The following URI1 variants were observed in gnomAD, a reference collection of about 807,000 sequenced individuals.
URI1 encodes the protein unconventional prefoldin RPB5 interactor 1.
In URI1, 39 loss-of-function variants were observed where a neutral mutation model predicts 60.2. That is an observed-to-expected ratio of 0.65 (90% CI 0.50 to 0.85). The LOEUF is 0.85. URI1 is among the 40% of genes least tolerant of loss of function. The probability of loss-of-function intolerance (pLI) is 0.00; values close to 1 mark genes in which losing one functional copy is unlikely to be tolerated. For synonymous variants in URI1, 251 were observed against 236.8 expected (o/e 1.06, Z -0.55); for missense variants, 691 against 665.9 (o/e 1.04, Z -0.42).
At chr19:29,964,336 G>A (rs545314240) in intron 1 of URI1, among the ~76,000 whole-genome samples, 142 of 152,178 alleles carry the variant, frequency 9.3e-4, no homozygotes, top group Non-Finnish European at 1.8e-3. Context: ...GTCCTACTTG[G>A]AGGTATTACG....
intron 4 of URI1, among the ~76,000 whole-genome samples, chr19:29,993,905 TA>T (rs568122373): frequency 6.6e-6 from 1 of 152,264 alleles, no homozygotes; most frequent in Admixed American, 6.5e-5. Context: ...GGCACACTTT[TA>T]TTTTTTTGTT....
chr19:29,972,415 G>C (rs989547755), intron 2 of URI1, among the ~76,000 whole-genome samples: 3 of 152,048 alleles, frequency 2.0e-5, no homozygotes, highest in Non-Finnish European at 4.4e-5. Context: ...TTTTTCCCCT[G>C]CACATTTAGT....
chr19:29,970,183 G>A (rs452944), intron 1 of URI1, among the ~76,000 whole-genome samples: 1 of 132,448 alleles, frequency 7.6e-6, no homozygotes, highest in Non-Finnish European at 1.5e-5. Flanking sequence ...GAAACATTGA[G>A]CATATACAAG....
chr19:29,973,314 T>C (rs942672269), intron 2 of URI1, among the ~76,000 whole-genome samples: 18 of 152,130 alleles, frequency 1.2e-4, no homozygotes, highest in African/African-American at 3.9e-4. Context: ...TGCGGAGATA[T>C]GAAGCAACTA....
intron 4 of URI1, among the ~76,000 whole-genome samples, chr19:29,987,772 C>G (rs529684565): frequency 6.6e-6 from 1 of 152,272 alleles, no homozygotes; most frequent in African/African-American, 2.4e-5. Context: ...TTGTAAATCA[C>G]TTTCTAGTAG....
Position 29,942,577 on chromosome 19 carries a change from C to G in URI1, c.30C>G (p.Pro10=). 7.0e-7 allele frequency: 1 copy of G among 1,425,976 alleles called. No homozygotes were observed. The highest frequency in any genetic ancestry group is 9.2e-7 in the Non-Finnish European group (1 of 1,092,300). The allele number at this position is 1,425,976 out of a possible 1,614,324, so 88.3% of individuals were successfully genotyped here. A position where few individuals can be genotyped will look rare whatever the true frequency, so the allele number is the denominator to read the frequency against. Residue 10 remains proline (P), a synonymous_variant, in exon 1 of 11, where the codon CCC becomes CCG. Coordinates refer to ENST00000392271, the MANE Select transcript of URI1 (RefSeq NM_003796.3). The part of the protein sequence containing the change: MEAPTVETP[P]DPSPPSAPAP... Reference sequence around the variant, plus strand: ...AGGCGCCCACCGTGGAGACGCCCCCCGACCCCTCGCCCCCTTCGGCCCCGG... The same window carrying G: ...AGGCGCCCACCGTGGAGACGCCCCCGGACCCCTCGCCCCCTTCGGCCCCGG...
rs1400204759 is a variant in URI1 at position 30,009,140 on chromosome 19, T to C, written c.822T>C (p.Ser274=). Residue 274 remains serine, a synonymous_variant, in exon 8 of 11, where the codon AGT becomes AGC. Transcript: ENST00000392271. ...SHTPCHKDVA[S]SEPFSGQVNS... ...CTCCTTGTCATAAGGATGTTGCAAG[T>C]TCAGAACCATTCAGTGGTCAAGTGA... 6.2e-7 allele frequency: 1 copy of C among 1,613,974 alleles called. No homozygotes were observed. The highest frequency in any genetic ancestry group is 1.3e-5 in the African/African-American group (1 of 75,004).
chr19:29,946,610 A>G (rs2055106338), intron 1 of URI1, among the ~76,000 whole-genome samples: 1 of 152,210 alleles, frequency 6.6e-6, no homozygotes, highest in Non-Finnish European at 1.5e-5. Flanking sequence ...TCCTTGGGGA[A>G]TTAAATGCAT....
intron 1 of URI1, among the ~76,000 whole-genome samples, chr19:29,950,617 C>G (rs1156600997): frequency 6.6e-6 from 1 of 152,128 alleles, no homozygotes; most frequent in Non-Finnish European, 1.5e-5. Flanking sequence ...CAGACATCAT[C>G]ACATCAATAA....
At chr19:29,986,559 AGTTT>A (rs1428424691) in intron 4 of URI1, 142 bp downstream of exon 4, 2 of 1,062,444 alleles carry the variant, frequency 1.9e-6, no homozygotes, top group Non-Finnish European at 1.3e-6. Context: ...AATTGTAGGT[AGTTT>A]GAGTAGAACC....
At chr19:29,925,332 G>A (rs1426032023) in intron 1 of URI1, among the ~76,000 whole-genome samples, 3 of 152,196 alleles carry the variant, frequency 2.0e-5, no homozygotes, top group African/African-American at 4.8e-5. Flanking sequence ...TCCTGGGTCC[G>A]GTACTTGGCA....
intron 1 of URI1, among the ~76,000 whole-genome samples, chr19:29,934,829 A>AT (rs1291948403): frequency 6.6e-6 from 1 of 152,012 alleles, no homozygotes; most frequent in African/African-American, 2.4e-5. Context: ...GATTGGTAGC[A>AT]TAAGTGCTGG....
At chr19:29,988,813 G>T (rs2145383975) in intron 4 of URI1, among the ~76,000 whole-genome samples, 2 of 152,294 alleles carry the variant, frequency 1.3e-5, no homozygotes, top group Admixed American at 1.3e-4. Context: ...AAGTGAGATT[G>T]TTAGATCATA....
At chr19:30,014,654 A>T (rs1486250704) in intron 10 of URI1, among the ~76,000 whole-genome samples, 1 of 152,150 alleles carries the variant, frequency 6.6e-6, no homozygotes, top group Non-Finnish European at 1.5e-5. Context: ...TTTACATTTT[A>T]CATTTTGTTT....
chr19:29,948,919 G>A (rs1182076009), intron 1 of URI1, among the ~76,000 whole-genome samples: 2 of 151,316 alleles, frequency 1.3e-5, no homozygotes, highest in Non-Finnish European at 2.9e-5. Context: ...GGGCGGCCGG[G>A]CAGAGGCACC....
intron 1 of URI1, among the ~76,000 whole-genome samples, chr19:29,931,139 C>A (rs1260161965): frequency 6.6e-6 from 1 of 152,050 alleles, no homozygotes; most frequent in Non-Finnish European, 1.5e-5. Context: ...AATTTTAGGA[C>A]CAGTTTGCCT....
chr19:30,015,276 C>T lies in URI1; in HGVS notation c.*207C>T, dbSNP rs2056072383. On this transcript the variant is annotated 3_prime_UTR_variant, in exon 11 of 11. Coordinates refer to ENST00000392271, the MANE Select transcript of URI1 (RefSeq NM_003796.3). ...AATATCAGCTTGTTTTGTGAATTCT[C>T]TGAATACTGTCAACACTCTTATCTA... 7.1e-7 allele frequency: 1 copy of T among 1,413,510 alleles called. No homozygotes were observed. The highest frequency in any genetic ancestry group is 1.4e-5 in the African/African-American group (1 of 69,386). The allele number at this position is 1,413,510 out of a possible 1,614,324, so 87.6% of individuals were successfully genotyped here.
At chr19:29,945,127 TC>T (rs2055086976) in intron 1 of URI1, among the ~76,000 whole-genome samples, 1 of 152,200 alleles carries the variant, frequency 6.6e-6, no homozygotes, top group South Asian at 2.1e-4. Flanking sequence ...AGAGTTAAAC[TC>T]TGCAGAAAAT....
At position 29,942,658 on chromosome 19, in the gene URI1, G is replaced by A; in HGVS notation, c.111G>A (p.Gln37=). 1 of 1,437,234 alleles carries A rather than the reference G, an allele frequency of 7.0e-7. No homozygotes were observed. The highest frequency in any genetic ancestry group is 9.1e-7 in the Non-Finnish European group (1 of 1,093,730). The allele number at this position is 1,437,234 out of a possible 1,614,324, so 89.0% of individuals were successfully genotyped here. A position where few individuals can be genotyped will look rare whatever the true frequency, so the allele number is the denominator to read the frequency against. ...APDVARLREE[Q]EKVVTNCQER... Reference sequence around the variant, plus strand: ...ATGTGGCGCGGCTGCGCGAGGAGCAGGAAAAGGTAACTAGCAGCCCCGCGC... The same window carrying A: ...ATGTGGCGCGGCTGCGCGAGGAGCAAGAAAAGGTAACTAGCAGCCCCGCGC... Residue 37 remains glutamine, a synonymous_variant, in exon 1 of 11, where the codon CAG becomes CAA. Coordinates refer to ENST00000392271, the MANE Select transcript of URI1 (RefSeq NM_003796.3).
Sources: gnomAD v4.1 joint callset for allele counts (sites outside exome capture counted in the v4.1 genomes callset) on GRCh38, gnomAD v4.1.1 for gene constraint, MANE v1.5 for transcripts, NCBI Gene and HGNC (gene_info 2026-07-23, HGNC 2026-07-21) for gene names.